Variants in PM20D2 observed in about 807,000 individuals in gnomAD.
PM20D2 encodes the protein peptidase M20 domain containing 2.
A neutral mutation model predicts 42.9 loss-of-function variants in PM20D2; 33 were observed. That is an observed-to-expected ratio of 0.77 (90% CI 0.58 to 1.03). PM20D2 has a LOEUF of 1.03. Ranked by LOEUF, PM20D2 falls within the 50% of genes least tolerant of loss-of-function variation. The pLI is 0.00. For synonymous variants in PM20D2, 250 were observed against 228.2 expected (o/e 1.10, Z -0.86); for missense variants, 548 against 557.0 (o/e 0.98, Z 0.16).
Position 89,161,789 on chromosome 6 carries a change from C to T in PM20D2, c.1055C>T (p.Thr352Met), listed in dbSNP as rs183581132. 11 of 1,604,882 alleles carry T rather than the reference C, an allele frequency of 6.9e-6. No homozygotes were observed. Among genetic ancestry groups the T allele is most frequent in the East Asian group, 2.2e-5 (1 of 44,840 alleles). ...DTMLNGPSGSTDFGNVSFVVP... is the reference protein window; with the variant it reads ...DTMLNGPSGSMDFGNVSFVVP... ...TAACTTTGTGTGTTCCAAGGATCTA[C>T]GGATTTTGGAAATGTTAGTTTTGTG... The change falls in exon 6 of 7, where the codon ACG (threonine) becomes ATG (methionine). Residue 352 changes from threonine (T) to methionine (M), a missense_variant. Thr to Met is a moderately conservative substitution (Grantham distance 81). Around this residue, in one of 3 missense-constraint regions of PM20D2, gnomAD observed 470 missense variants for 464.4 expected, o/e 1.01. Coordinates refer to ENST00000275072, the MANE Select transcript of PM20D2 (RefSeq NM_001010853.3).
At chr6:89,107,063 T>A in the PM20D2 span, 1 of 1,208,394 alleles carries the variant, frequency 8.3e-7, no homozygotes, top group Admixed American at 1.8e-5. Context: ...AATTAGGCAA[T>A]ATTAATCTCA....
upstream of PM20D2, among the ~76,000 whole-genome samples, chr6:89,142,696 C>T (rs1451890518): frequency 1.3e-5 from 2 of 152,084 alleles, no homozygotes; most frequent in Non-Finnish European, 2.9e-5. Context: ...CTCGCTCTGT[C>T]ACCCAGGCTG....
At chr6:89,149,612 G>A (rs1451303689) in intron 2 of PM20D2, among the ~76,000 whole-genome samples, 199 bp downstream of exon 2, 1 of 152,226 alleles carries the variant, frequency 6.6e-6, no homozygotes, top group East Asian at 1.9e-4. Context: ...CATAATTGGA[G>A]TATTAAAATA....
chr6:89,115,525 G>A, the PM20D2 span, among the ~76,000 whole-genome samples: 259 of 151,968 alleles, frequency 1.7e-3, no homozygotes, highest in South Asian at 7.3e-3. Context: ...CAAGTGATCC[G>A]CCGAACTCGG....
chr6:89,095,484 GA>G, the PM20D2 span, among the ~76,000 whole-genome samples: 1 of 152,146 alleles, frequency 6.6e-6, no homozygotes, highest in African/African-American at 2.4e-5. Context: ...CAGTCAGCCA[GA>G]AATTTAATGT....
At chr6:89,117,440 G>A in the PM20D2 span, among the ~76,000 whole-genome samples, 2 of 152,188 alleles carry the variant, frequency 1.3e-5, no homozygotes, top group Non-Finnish European at 2.9e-5. Flanking sequence ...GGGGCACGGC[G>A]ACAAAGGAGC....
At position 89,154,784 on chromosome 6, in the gene PM20D2, T is replaced by G; in HGVS notation, c.794T>G (p.Ile265Ser). The G allele has an allele frequency of 6.3e-7, 1 of 1,576,780 alleles. No homozygotes were observed. The highest frequency in any genetic ancestry group is 8.6e-7 in the Non-Finnish European group (1 of 1,162,220). Residue 265 changes from isoleucine to serine, a missense_variant, in exon 4 of 7, where the codon ATT becomes AGT. This residue lies in a region of PM20D2 where 470 missense variants were observed against 464.4 expected (regional missense o/e 1.01). Transcript: ENST00000275072. ...IKNGGVKPNI[I>S]PSYSELIYYF... Reference sequence around the variant, plus strand: ...AATGGTGGTGTAAAACCCAATATCATTCCCTCTTATTCTGAATTAATCTAT... The same window carrying G: ...AATGGTGGTGTAAAACCCAATATCAGTCCCTCTTATTCTGAATTAATCTAT...
chr6:89,148,709 A>C (rs1390868971), intron 1 of PM20D2: 1 of 348,500 alleles, frequency 2.9e-6, no homozygotes, highest in East Asian at 1.7e-4. Flanking sequence ...CCAGAAGATC[A>C]GGACATCTAA....
At chr6:89,150,275 TG>T (rs1770782663) in intron 2 of PM20D2, among the ~76,000 whole-genome samples, 1 of 152,208 alleles carries the variant, frequency 6.6e-6, no homozygotes, top group South Asian at 2.1e-4. Flanking sequence ...AAATTGGTAC[TG>T]TGGCAGTAGG....
intron 4 of PM20D2, 79 bp from the exon 5 acceptor site, chr6:89,158,245 AG>A (rs1328601707): frequency 1.6e-6 from 2 of 1,288,910 alleles, no homozygotes; most frequent in Admixed American, 4.7e-5. Flanking sequence ...TCTTCCTATT[AG>A]AGAACAATCA....
At chr6:89,105,072 T>C in the PM20D2 span, 1 of 1,534,168 alleles carries the variant, frequency 6.5e-7, no homozygotes. Flanking sequence ...ATATATCTAT[T>C]TCCCAGAAAA....
At chr6:89,113,104 T>C in the PM20D2 span, among the ~76,000 whole-genome samples, 1 of 152,208 alleles carries the variant, frequency 6.6e-6, no homozygotes, top group Non-Finnish European at 1.5e-5. Flanking sequence ...TGTCCTTAAC[T>C]GATGCATGAC....
At chr6:89,125,108 G>A in the PM20D2 span, among the ~76,000 whole-genome samples, 1,216 of 152,222 alleles carry the variant, frequency 8.0e-3, 15 homozygotes, top group African/African-American at 0.028. Flanking sequence ...CAAAAATGTG[G>A]AGGATGAATT....
chr6:89,149,113 T>TA (rs1174101129), intron 1 of PM20D2, 152 bp from the exon 2 acceptor site: 1 of 865,218 alleles, frequency 1.2e-6, no homozygotes, highest in African/African-American at 1.7e-5. Flanking sequence ...CACCATTTGT[T>TA]GATGCCCATT....
chr6:89,155,134 T>G (rs1770994623), intron 4 of PM20D2, among the ~76,000 whole-genome samples: 1 of 152,192 alleles, frequency 6.6e-6, no homozygotes, highest in Non-Finnish European at 1.5e-5. Flanking sequence ...AGAATAATTC[T>G]GATACTTCTA....
the PM20D2 span, among the ~76,000 whole-genome samples, chr6:89,099,397 T>C: frequency 5.4e-5 from 1 of 18,482 alleles, no homozygotes; most frequent in African/African-American, 1.1e-4. Flanking sequence ...TCTCTCTCTC[T>C]CTCTCCATAT....
chr6:89,108,947 A>G, the PM20D2 span, among the ~76,000 whole-genome samples: 1 of 152,240 alleles, frequency 6.6e-6, no homozygotes, highest in Non-Finnish European at 1.5e-5. Flanking sequence ...ATTTCATTTA[A>G]CACTCATAGA....
At chr6:89,103,622 C>T in the PM20D2 span, among the ~76,000 whole-genome samples, 2 of 152,084 alleles carry the variant, frequency 1.3e-5, no homozygotes, top group Non-Finnish European at 1.5e-5. Context: ...TAAGCCACTG[C>T]GCCTGGCCTG....
chr6:89,161,823 A>C lies in PM20D2; in HGVS notation c.1089A>C (p.Gly363=). The change falls in exon 6 of 7, where the codon GGA becomes GGC. Residue 363 remains glycine, a synonymous_variant. Coordinates refer to ENST00000275072, the MANE Select transcript of PM20D2 (RefSeq NM_001010853.3). The stretch of plus-strand genomic sequence containing the variant: ...GAAATGTTAGTTTTGTGGTTCCTGG[A>C]ATTCATCCATATTTTCACATTGGAT... ...DFGNVSFVVP[G]IHPYFHIGSN... 6.2e-7 allele frequency: 1 copy of C among 1,613,728 alleles called. No homozygotes were observed. The highest frequency in any genetic ancestry group is 8.5e-7 in the Non-Finnish European group (1 of 1,179,582).
Sources: allele counts gnomAD v4.1 joint callset (sites outside exome capture counted in the v4.1 genomes callset), GRCh38; gene constraint gnomAD v4.1.1; regional missense constraint gnomAD v4.1.1; transcripts MANE v1.5; gene names NCBI Gene and HGNC (gene_info 2026-07-23, HGNC 2026-07-21).